Variants in CCDC158 observed in about 807,000 individuals in gnomAD.
CCDC158 encodes coiled-coil domain-containing protein 158.
A neutral mutation model predicts 138.6 loss-of-function variants in CCDC158; 116 were observed. That is an observed-to-expected ratio of 0.84 (90% CI 0.72 to 0.98). CCDC158 has a LOEUF of 0.98. Ranked by LOEUF, CCDC158 falls within the 50% of genes least tolerant of loss-of-function variation. CCDC158 has a pLI of 0.00. For synonymous variants in CCDC158, 436 were observed against 442.4 expected (o/e 0.99, Z 0.18); for missense variants, 1,265 against 1,306.1 (o/e 0.97, Z 0.48).
chr4:76,368,793 C>T lies in CCDC158; in HGVS notation c.1347+633G>A, dbSNP rs190870793. Among the ~76,000 whole-genome samples, 3 of 152,274 alleles carry T rather than the reference C, an allele frequency of 2.0e-5. No individual in the cohort carries two copies. The East Asian group carries it at 5.8e-4, about 29-fold the overall frequency. ...CAGGCTGCCCAATAATTTGATGCTT[C>T]TCTGCAGCAGAAATAAGCAATTATT... On this transcript the variant is annotated intron_variant, in intron 11 of 24. Transcript: ENST00000682701.
At chr4:76,416,240 T>C (rs1021349048) in intron 1 of CCDC158, among the ~76,000 whole-genome samples, 1 of 152,154 alleles carries the variant, frequency 6.6e-6, no homozygotes, top group African/African-American at 2.4e-5. Context: ...TGGAGATGGC[T>C]CACACTCCTT....
chr4:76,415,543 T>C (rs923461410), intron 1 of CCDC158, among the ~76,000 whole-genome samples: 6 of 152,124 alleles, frequency 3.9e-5, no homozygotes, highest in Non-Finnish European at 8.8e-5. Context: ...ATAATAAGAA[T>C]AGTTATACTA....
chr4:76,406,135 A>G (rs1384084685), intron 2 of CCDC158, among the ~76,000 whole-genome samples: 1 of 152,192 alleles, frequency 6.6e-6, no homozygotes, highest in Admixed American at 6.5e-5. Flanking sequence ...AAAGACTAAA[A>G]ATAAAAGGAT....
chr4:76,389,187 T>C (rs1054119827), intron 4 of CCDC158, among the ~76,000 whole-genome samples: 1 of 152,134 alleles, frequency 6.6e-6, no homozygotes, highest in Admixed American at 6.6e-5. Flanking sequence ...AATATCTGTT[T>C]TGAGGAAATT....
intron 18 of CCDC158, among the ~76,000 whole-genome samples, chr4:76,342,650 A>T (rs1722167132): frequency 1.3e-5 from 2 of 152,352 alleles, no homozygotes; most frequent in East Asian, 3.9e-4. Flanking sequence ...TACTATCTTA[A>T]GCCCCACTAA....
chr4:76,337,815 A>G (rs906536797), intron 18 of CCDC158, among the ~76,000 whole-genome samples: 1 of 152,204 alleles, frequency 6.6e-6, no homozygotes, highest in Non-Finnish European at 1.5e-5. Context: ...TTGTAAAGAA[A>G]TAAACACATG....
chr4:76,333,316 C>T (rs1721170070), intron 19 of CCDC158, among the ~76,000 whole-genome samples: 1 of 151,924 alleles, frequency 6.6e-6, no homozygotes, highest in African/African-American at 2.4e-5. Flanking sequence ...ATGAATATTA[C>T]AATAATGGGC....
intron 4 of CCDC158, among the ~76,000 whole-genome samples, chr4:76,395,697 A>T (rs904246662): frequency 6.6e-6 from 1 of 152,202 alleles, no homozygotes; most frequent in Non-Finnish European, 1.5e-5. Flanking sequence ...GCTAAAATGT[A>T]CCAGGGAGAG....
intron 4 of CCDC158, among the ~76,000 whole-genome samples, chr4:76,390,895 A>G (rs902413835): frequency 6.6e-6 from 1 of 152,066 alleles, no homozygotes; most frequent in African/African-American, 2.4e-5. Context: ...AGAAGTCACA[A>G]TATAATGATA....
chr4:76,384,061 T>C lies in CCDC158; in HGVS notation c.726+27A>G, dbSNP rs1410235494. ...CTCTTAATGCATTTTAATATAAAAT[T>C]ATTTAAGTAGCATTCTCACCACTTA... On this transcript the variant is annotated intron_variant, in intron 6 of 24. Transcript: ENST00000682701. The C allele has an allele frequency of 7.0e-6, 10 of 1,430,888 alleles. No individual in the cohort carries two copies. In the Admixed American group the frequency reaches 1.9e-4, roughly 27 times the overall value. 88.6% of individuals were successfully genotyped at this position (1,430,888 alleles called of 1,614,324 possible).
At chr4:76,331,161 C>G (rs964232546) in intron 21 of CCDC158, among the ~76,000 whole-genome samples, 183 bp downstream of exon 21, 4 of 152,164 alleles carry the variant, frequency 2.6e-5, no homozygotes, top group African/African-American at 9.7e-5. Context: ...TCCAGGCAGT[C>G]CGTCAAAAGA....
chr4:76,348,045 T>C (rs1361536059), intron 18 of CCDC158, among the ~76,000 whole-genome samples: 1 of 152,062 alleles, frequency 6.6e-6, no homozygotes, highest in Non-Finnish European at 1.5e-5. Flanking sequence ...CAGCATTTGG[T>C]GAGGAGCTCT....
At chr4:76,400,252 T>G (rs10017563) in intron 3 of CCDC158, among the ~76,000 whole-genome samples, 4,413 of 152,090 alleles carry the variant, frequency 0.029, 211 homozygotes, top group African/African-American at 0.1. Flanking sequence ...ATGTCTTTTG[T>G]AGAGACATGG....
rs748109867 is a variant in CCDC158, at chr4:76,367,587, C to T, written c.1537G>A (p.Glu513Lys). The T allele has an allele frequency of 1.2e-6, 2 of 1,614,208 alleles. No homozygotes were observed. The highest frequency in any genetic ancestry group is 1.7e-6 in the Non-Finnish European group (2 of 1,180,046). Residue 513 changes from glutamate to lysine, a missense_variant, in exon 12 of 25, where the codon GAG becomes AAG. Glu to Lys is a moderately conservative substitution (Grantham distance 56). Coordinates refer to ENST00000682701, the MANE Select transcript of CCDC158 (RefSeq NM_001394954.1). ...TTTGTGATCTCTGCATTGGTAGCCT[C>T]GATGGCTCTCTCTTTTTCCTGGAGA... is the stretch of plus-strand genomic sequence containing the variant. ...TSLQEKERAI[E>K]ATNAEITKLR...
chr4:76,359,243 T>C (rs1042049867), intron 13 of CCDC158, among the ~76,000 whole-genome samples: 7 of 152,140 alleles, frequency 4.6e-5, no homozygotes, highest in Non-Finnish European at 1.0e-4. Context: ...CCTCTTTTCT[T>C]CACAAATTAC....
chr4:76,353,546 A>G (rs936776018), intron 15 of CCDC158, among the ~76,000 whole-genome samples: 1 of 152,178 alleles, frequency 6.6e-6, no homozygotes, highest in South Asian at 2.1e-4. Flanking sequence ...AAATAACTAT[A>G]TTGTCATAAA....
intron 9 of CCDC158, among the ~76,000 whole-genome samples, chr4:76,376,815 A>T (rs189784839): frequency 5.6e-4 from 85 of 152,358 alleles, no homozygotes; most frequent in African/African-American, 2.0e-3. Context: ...ATTTAGGGTC[A>T]CTGTGGTGTA....
chr4:76,360,279 C>T (rs1268258983), intron 13 of CCDC158, among the ~76,000 whole-genome samples: 1 of 152,210 alleles, frequency 6.6e-6, no homozygotes, highest in East Asian at 1.9e-4. Flanking sequence ...AGGAGCAGAG[C>T]CCTCATGGAG....
At chr4:76,342,302 A>C (rs1277290415) in intron 18 of CCDC158, among the ~76,000 whole-genome samples, 6 of 152,260 alleles carry the variant, frequency 3.9e-5, no homozygotes, top group African/African-American at 1.4e-4. Context: ...AGTCCCTACA[A>C]AGTGTTGGAA....
Sources: allele counts gnomAD v4.1 joint callset (sites outside exome capture counted in the v4.1 genomes callset), GRCh38; gene constraint gnomAD v4.1.1; transcripts MANE v1.5; gene names NCBI Gene and HGNC (gene_info 2026-07-23, HGNC 2026-07-21).